The following NALF1 variants were observed in gnomAD, a reference collection of about 807,000 sequenced individuals.
NALF1 encodes family with sequence similarity 155 member A.
Under a neutral mutation model 48.4 loss-of-function variants are expected in NALF1, and 3 were observed. The observed-to-expected ratio is 0.06, with a 90% CI of 0.03 to 0.16. The LOEUF (loss-of-function observed/expected upper bound fraction) is 0.16. Among genes scored for constraint, NALF1 ranks in the 10% least tolerant of loss-of-function variants. The pLI is 1.00. For synonymous variants in NALF1, 262 were observed against 245.7 expected, an observed-to-expected ratio of 1.07 and a Z score of -0.62; for missense variants, 526 against 571.5, an observed-to-expected ratio of 0.92 and a Z score of 0.81.
intron 1 of NALF1, among the ~76,000 whole-genome samples, chr13:107,643,821 C>A (rs1365488580): frequency 1.4e-4 from 21 of 152,096 alleles, no homozygotes; most frequent in Admixed American, 1.4e-3. Context: ...GCATCCCCTT[C>A]TGATAATTCA....
intron 1 of NALF1, among the ~76,000 whole-genome samples, chr13:107,647,393 C>T (rs1845553295): frequency 6.6e-6 from 1 of 151,408 alleles, no homozygotes; most frequent in African/African-American, 2.4e-5. Context: ...AAAAAAGAAC[C>T]TCATCATGTT....
At chr13:107,646,535 G>A (rs1880318878) in intron 1 of NALF1, among the ~76,000 whole-genome samples, 1 of 152,068 alleles carries the variant, frequency 6.6e-6, no homozygotes, top group Non-Finnish European at 1.5e-5. Flanking sequence ...AACGACCAGT[G>A]ACTCAACGCA....
chr13:107,547,679 G>A (rs1037602795), intron 1 of NALF1, among the ~76,000 whole-genome samples: 4 of 152,124 alleles, frequency 2.6e-5, no homozygotes, highest in African/African-American at 9.7e-5. Flanking sequence ...CACACACACT[G>A]TCCTTGCATC....
intron 1 of NALF1, among the ~76,000 whole-genome samples, chr13:107,437,296 T>C (rs572690419): frequency 2.6e-5 from 4 of 152,232 alleles, no homozygotes; most frequent in African/African-American, 9.6e-5. Context: ...GTTGGTAGGG[T>C]AAAATAGTCC....
chr13:107,632,539 C>T (rs1292409663), intron 1 of NALF1, among the ~76,000 whole-genome samples: 1 of 152,080 alleles, frequency 6.6e-6, no homozygotes, highest in African/African-American at 2.4e-5. Context: ...TACTGATCCT[C>T]TCTTACTTTC....
At chr13:107,233,444 A>C (rs1035478567) in intron 1 of NALF1, among the ~76,000 whole-genome samples, 7 of 152,342 alleles carry the variant, frequency 4.6e-5, no homozygotes, top group African/African-American at 1.7e-4. Flanking sequence ...CTAGCCATTT[A>C]GTAGAATGTA....
At chr13:107,350,275 A>G (rs1257208430) in intron 1 of NALF1, among the ~76,000 whole-genome samples, 1 of 152,006 alleles carries the variant, frequency 6.6e-6, no homozygotes, top group Non-Finnish European at 1.5e-5. Context: ...TATTTTCATA[A>G]ACTTAATTGT....
At chr13:107,601,752 C>T (rs1878934920) in intron 1 of NALF1, among the ~76,000 whole-genome samples, 1 of 151,078 alleles carries the variant, frequency 6.6e-6, no homozygotes, top group Non-Finnish European at 1.5e-5. Context: ...CACACACACA[C>T]ACAATAAAAA....
chr13:107,645,458 T>C (rs1880289906), intron 1 of NALF1, among the ~76,000 whole-genome samples: 1 of 152,322 alleles, frequency 6.6e-6, no homozygotes, highest in Non-Finnish European at 1.5e-5. Context: ...ACTATTTATA[T>C]GTTTTACTGA....
rs563474738 is a variant in NALF1, at chr13:107,276,875, T to C, written c.916-66120A>G. On this transcript the variant is annotated intron_variant, in intron 1 of 2. Coordinates refer to ENST00000375915, the MANE Select transcript of NALF1 (RefSeq NM_001080396.3). Reference sequence around the variant, plus strand: ...TAGCTAATATAAGAATTTTAACTACTAGATATTTATTTACTGAAGATGTCT... The same window carrying C: ...TAGCTAATATAAGAATTTTAACTACCAGATATTTATTTACTGAAGATGTCT... 1.4e-3 allele frequency among the ~76,000 whole-genome samples: 206 copies of C among 152,268 alleles called. 1 individual carries two copies. Among genetic ancestry groups the C allele is most frequent in the African/African-American group, 4.9e-3 (204 of 41,558 alleles).
At chr13:107,761,957 T>C (rs1446949337) in intron 1 of NALF1, among the ~76,000 whole-genome samples, 4 of 152,222 alleles carry the variant, frequency 2.6e-5, no homozygotes, top group African/African-American at 7.2e-5. Context: ...ATAAGTGCTA[T>C]GTAAATGTCA....
At chr13:107,494,987 A>T (rs1290884176) in intron 1 of NALF1, among the ~76,000 whole-genome samples, 1 of 152,220 alleles carries the variant, frequency 6.6e-6, no homozygotes, top group Admixed American at 6.5e-5. Context: ...CAAGCAAAAG[A>T]GTTTGTCTTC....
At chr13:107,591,144 G>A (rs1395677625) in intron 1 of NALF1, among the ~76,000 whole-genome samples, 6 of 151,954 alleles carry the variant, frequency 3.9e-5, no homozygotes, top group Non-Finnish European at 7.4e-5. Context: ...TTCCCATTAA[G>A]ATAACTCAAT....
intron 1 of NALF1, among the ~76,000 whole-genome samples, chr13:107,569,352 G>T (rs530489992): frequency 6.6e-6 from 1 of 152,120 alleles, no homozygotes; most frequent in Admixed American, 6.5e-5. Flanking sequence ...GGTGCTTGTA[G>T]TCCCAGCTAC....
chr13:107,501,310 G>A (rs948081148), intron 1 of NALF1, among the ~76,000 whole-genome samples: 13 of 152,164 alleles, frequency 8.5e-5, no homozygotes, highest in Middle Eastern at 6.8e-3. Context: ...ACCACAGCGT[G>A]GGGGATCATA....
intron 1 of NALF1, among the ~76,000 whole-genome samples, chr13:107,662,114 C>T (rs978754776): frequency 3.3e-5 from 5 of 152,162 alleles, no homozygotes; most frequent in African/African-American, 1.2e-4. Context: ...TTCCTCTTGC[C>T]ATTTTTGGAC....
intron 1 of NALF1, among the ~76,000 whole-genome samples, chr13:107,597,473 T>C (rs1056751319): frequency 6.6e-6 from 1 of 152,146 alleles, no homozygotes; most frequent in South Asian, 2.1e-4. Context: ...ACAGTGACAA[T>C]GCATGAATTT....
At chr13:107,409,134 C>T (rs1883948054) in intron 1 of NALF1, among the ~76,000 whole-genome samples, 1 of 152,134 alleles carries the variant, frequency 6.6e-6, no homozygotes, top group South Asian at 2.1e-4. Context: ...TCAGATCTCT[C>T]AGCTCAGTTT....
rs1419713881 is a variant in NALF1, at chr13:107,285,168, A to G, written c.916-74413T>C. Reference sequence around the variant, plus strand: ...TATTTATCATGCAATGCAAGTAGGTAAAATATAAGAGAAACCTACAAATCT... The same window carrying G: ...TATTTATCATGCAATGCAAGTAGGTGAAATATAAGAGAAACCTACAAATCT... On this transcript the variant is annotated intron_variant, in intron 1 of 2. Coordinates refer to ENST00000375915, the MANE Select transcript of NALF1 (RefSeq NM_001080396.3). 2.0e-5 allele frequency among the ~76,000 whole-genome samples: 3 copies of G among 152,188 alleles called. No homozygotes were observed. In the East Asian group the frequency reaches 5.8e-4, roughly 29 times the overall value.
Sources: allele counts gnomAD v4.1 joint callset (sites outside exome capture counted in the v4.1 genomes callset), GRCh38; gene constraint gnomAD v4.1.1; transcripts MANE v1.5; gene names NCBI Gene and HGNC (gene_info 2026-07-23, HGNC 2026-07-21).